Variants in NAT10 observed in about 807,000 individuals in gnomAD.
NAT10 encodes the protein N-acetyltransferase 10.
A neutral mutation model predicts 132.2 loss-of-function variants in NAT10; 109 were observed. The ratio of observed to expected loss-of-function variants is 0.82; its 90% CI spans 0.71 to 0.97. The LOEUF is 0.97. Ranked by LOEUF, NAT10 falls within the 50% of genes least tolerant of loss-of-function variation. NAT10 has a pLI of 0.00. For missense variants in NAT10, 1,184 were observed against 1,263.4 expected (o/e 0.94, Z 0.95); for synonymous variants, 479 against 478.0 (o/e 1.00, Z -0.03).
chr11:34,122,397 T>C lies in NAT10; in HGVS notation c.781-62T>C, dbSNP rs988900343. The C allele has an allele frequency of 8.7e-6, 14 of 1,604,406 alleles. No homozygotes were observed. The African/African-American group carries it at 1.7e-4, about 20-fold the overall frequency. On this transcript the variant is annotated intron_variant, in intron 8 of 28. Transcript: ENST00000257829. ...CAACCTCACTTCTCCACAGTGATGG[T>C]GATGAATGGTGGAAACTTGGGTCTT...
chr11:34,122,654 T>C, intron 9 of NAT10, 62 bp downstream of exon 9: 1 of 1,592,042 alleles, frequency 6.3e-7, no homozygotes, highest in Non-Finnish European at 8.6e-7. Context: ...GTGTGCAGGG[T>C]TGGGGTCAGA....
intron 15 of NAT10, 51 bp from the exon 16 acceptor site, chr11:34,132,974 TA>T: frequency 6.8e-7 from 1 of 1,467,168 alleles, no homozygotes; most frequent in East Asian, 2.3e-5. Context: ...ACCTTTTGCG[TA>T]AAGGGCAAGA....
chr11:34,122,931 G>C (rs116774583), intron 9 of NAT10, among the ~76,000 whole-genome samples: 34 of 152,378 alleles, frequency 2.2e-4, no homozygotes, highest in African/African-American at 7.5e-4. Context: ...CAGCCTTGCT[G>C]ACTGAGAAAA....
At chr11:34,123,682 C>T in intron 9 of NAT10, 80 bp from the exon 10 acceptor site, 2 of 1,181,572 alleles carry the variant, frequency 1.7e-6, no homozygotes, top group Non-Finnish European at 2.4e-6. Context: ...CAGGAGCAAA[C>T]AAAAATATTT....
At chr11:34,109,340 T>C (rs1851653124) in intron 3 of NAT10, among the ~76,000 whole-genome samples, 1 of 152,218 alleles carries the variant, frequency 6.6e-6, no homozygotes, top group Non-Finnish European at 1.5e-5. Context: ...TTTTCTATTA[T>C]CAAAAGCTGA....
intron 8 of NAT10, among the ~76,000 whole-genome samples, chr11:34,120,071 G>C (rs548490197): frequency 6.6e-6 from 1 of 151,472 alleles, no homozygotes; most frequent in East Asian, 1.9e-4. Flanking sequence ...GCTTTAATTA[G>C]GAGAGAGGAG....
At chr11:34,136,452 G>A in intron 19 of NAT10, among the ~76,000 whole-genome samples, 190 bp from the exon 20 acceptor site, 1 of 152,176 alleles carries the variant, frequency 6.6e-6, no homozygotes, top group South Asian at 2.1e-4. Context: ...GTGATTCTAT[G>A]CATGTTGAGG....
In NAT10 at chr11:34,136,766, G is replaced by A. The variant is rs1565117767; in HGVS notation, c.2153G>A (p.Arg718Lys). 6.2e-7 allele frequency: 1 copy of A among 1,614,134 alleles called. No individual in the cohort carries two copies. ...GGTGTTTCCTATGGCTTGACCCCCA[G>A]GCTCCTCAAGTAAGTGCCTGCCCTC... ...YLGVSYGLTP[R>K]LLKFWKRAGF... Residue 718 changes from arginine (R) to lysine (K), a missense_variant, in exon 20 of 29, where the codon AGG becomes AAG. By Grantham distance (26) the Arg-to-Lys change is conservative. Coordinates refer to ENST00000257829, the MANE Select transcript of NAT10 (RefSeq NM_024662.3).
chr11:34,106,695 G>C lies in NAT10; in HGVS notation c.-16+903G>C, dbSNP rs577474514. 1.4e-4 allele frequency among the ~76,000 whole-genome samples: 21 copies of C among 152,316 alleles called. No individual in the cohort carries two copies. In the South Asian group the frequency reaches 4.4e-3, roughly 32 times the overall value. ...AGGCTTTGGAGTCAGGAAGACTTGAGTGTGAATTCTGTCTGTCGTTTTTCT... is the reference window on the plus strand; with the variant it reads ...AGGCTTTGGAGTCAGGAAGACTTGACTGTGAATTCTGTCTGTCGTTTTTCT... On this transcript the variant is annotated intron_variant, in intron 1 of 28. Coordinates refer to ENST00000257829, the MANE Select transcript of NAT10 (RefSeq NM_024662.3).
intron 21 of NAT10, 53 bp downstream of exon 21, chr11:34,137,079 G>C: frequency 6.3e-7 from 1 of 1,598,780 alleles, no homozygotes; most frequent in African/African-American, 1.3e-5. Flanking sequence ...TATGGTAGGT[G>C]ACAGGCCTGT....
intron 3 of NAT10, among the ~76,000 whole-genome samples, chr11:34,111,795 A>G (rs1374964496): frequency 6.6e-6 from 1 of 152,226 alleles, no homozygotes; most frequent in African/African-American, 2.4e-5. Flanking sequence ...CATCTTTTAA[A>G]GCAAAGTATT....
At chr11:34,116,517 G>A (rs1189829016) in intron 6 of NAT10, among the ~76,000 whole-genome samples, 1 of 151,618 alleles carries the variant, frequency 6.6e-6, no homozygotes, top group Non-Finnish European at 1.5e-5. Context: ...CTCCCAGGTC[G>A]AGTGATTCTC....
intron 8 of NAT10, among the ~76,000 whole-genome samples, chr11:34,120,364 C>T (rs572827171): frequency 2.0e-5 from 3 of 152,230 alleles, no homozygotes; most frequent in Admixed American, 6.5e-5. Flanking sequence ...AAGTTAAATA[C>T]GACCTGGATT....
chr11:34,121,362 A>G (rs566318645), intron 8 of NAT10, among the ~76,000 whole-genome samples: 4 of 152,196 alleles, frequency 2.6e-5, no homozygotes, highest in Admixed American at 6.5e-5. Flanking sequence ...GTAGGATTTT[A>G]TATATGTTTT....
rs757857939 is a variant in NAT10 at position 34,139,396 on chromosome 11, C to T, written c.2320C>T (p.Arg774Trp). The T allele has an allele frequency of 8.1e-6, 13 of 1,614,108 alleles. No individual in the cohort carries two copies. The highest frequency in any genetic ancestry group is 3.3e-5 in the Admixed American group (2 of 60,028). ...ATGGCACCCCACAGATTTCCGACGG[C>T]GGTTCCTAGCCTTGCTCTCCTACCA... The part of the protein sequence containing the change: ...LAAFWKDFRR[R>W]FLALLSYQFS... The change falls in exon 23 of 29, where the codon CGG becomes TGG. Residue 774 changes from arginine (R) to tryptophan (W), a missense_variant. Coordinates refer to ENST00000257829, the MANE Select transcript of NAT10 (RefSeq NM_024662.3).
Position 34,139,421 on chromosome 11 carries a change from A to G in NAT10, c.2345A>G (p.Gln782Arg), listed in dbSNP as rs1023664492. ...RRRFLALLSY[Q>R]FSTFSPSLAL... ...CGGTTCCTAGCCTTGCTCTCCTACCAGTTCAGTACCTTCTCTCCTTCCCTG... is the reference window on the plus strand; with the variant it reads ...CGGTTCCTAGCCTTGCTCTCCTACCGGTTCAGTACCTTCTCTCCTTCCCTG... Residue 782 changes from glutamine to arginine, a missense_variant, in exon 23 of 29, where the codon CAG becomes CGG. Physicochemically the swap from Gln to Arg is conservative, Grantham distance 43. Coordinates refer to ENST00000257829, the MANE Select transcript of NAT10 (RefSeq NM_024662.3). 2.1e-5 allele frequency: 34 copies of G among 1,614,002 alleles called. No homozygotes were observed. Among genetic ancestry groups the G allele is most frequent in the Middle Eastern group, 1.6e-4 (1 of 6,084 alleles).
chr11:34,131,715 C>T (rs1184130693), intron 14 of NAT10, among the ~76,000 whole-genome samples, 184 bp downstream of exon 14: 1 of 131,198 alleles, frequency 7.6e-6, no homozygotes, highest in Non-Finnish European at 1.6e-5. Context: ...GAGATGGAGT[C>T]TCGCTCTGTC....
rs756065274 is a variant in NAT10, at chr11:34,112,093, A to G, written c.242A>G (p.Lys81Arg). ...ATGCGACAGCTGCAGAAGAAAATAA[A>G]GAATGGAACACTGAACATAAAGCAG... ...KRMRQLQKKI[K>R]NGTLNIKQDD... Residue 81 changes from lysine (K) to arginine (R), a missense_variant, in exon 4 of 29, where the codon AAG becomes AGG. By Grantham distance (26) the Lys-to-Arg change is conservative (BLOSUM62 2). Coordinates refer to ENST00000257829, the MANE Select transcript of NAT10 (RefSeq NM_024662.3). 1 of 1,614,254 alleles carries G rather than the reference A, an allele frequency of 6.2e-7. No individual in the cohort carries two copies. Among genetic ancestry groups the G allele is most frequent in the Non-Finnish European group, 8.5e-7 (1 of 1,180,044 alleles).
At position 34,134,170 on chromosome 11, in the gene NAT10, GC is replaced by G. The variant is rs555122839; in HGVS notation, c.1735-148del. Reference sequence around the variant, plus strand: ...CAGAGTGAGACTCCATCTCAAAAGAGCGGGGGGAATGGATGTGTCAGTGTCA... The same window carrying G: ...CAGAGTGAGACTCCATCTCAAAAGAGGGGGGGAATGGATGTGTCAGTGTCA... On this transcript the variant is annotated intron_variant, in intron 16 of 28. Coordinates refer to ENST00000257829, the MANE Select transcript of NAT10 (RefSeq NM_024662.3). 3.6e-4 allele frequency: 243 copies of G among 669,740 alleles called. 2 individuals are homozygous for G. In the African/African-American group the frequency reaches 3.8e-3, roughly 11 times the overall value. 41.5% of individuals were successfully genotyped at this position (669,740 alleles called of 1,614,324 possible). A position where few individuals can be genotyped will look rare whatever the true frequency, so the allele number is the denominator to read the frequency against.
Sources: gnomAD v4.1 joint callset for allele counts (sites outside exome capture counted in the v4.1 genomes callset) on GRCh38, gnomAD v4.1.1 for gene constraint, MANE v1.5 for transcripts, NCBI Gene and HGNC (gene_info 2026-07-23, HGNC 2026-07-21) for gene names.